The following SUFU variants were observed in gnomAD, a reference collection of about 807,000 sequenced individuals.
The protein encoded by SUFU is suppressor of fused homolog.
A neutral mutation model predicts 58.9 loss-of-function variants in SUFU; 7 were observed. The observed-to-expected ratio is 0.12, with a 90% confidence interval of 0.07 to 0.22. SUFU has a LOEUF of 0.22. SUFU is among the 10% of genes least tolerant of loss of function. The pLI, the probability that SUFU is intolerant of heterozygous loss-of-function variation, is 1.00. For synonymous variants in SUFU, 232 were observed against 254.8 expected (o/e 0.91, Z 0.85); for missense variants, 451 against 641.3 (o/e 0.70, Z 3.20).
chr10:102,580,717 A>C (rs1804347794), intron 3 of SUFU, among the ~76,000 whole-genome samples: 1 of 152,124 alleles, frequency 6.6e-6, no homozygotes, highest in Non-Finnish European at 1.5e-5. Flanking sequence ...CCCTCTGTAC[A>C]GTGCCTGGGG....
In SUFU at chr10:102,628,697, G is replaced by T. The variant is rs1180985164; in HGVS notation, c.1366-1369G>T. Among the ~76,000 whole-genome samples the T allele has an allele frequency of 6.6e-6, 1 of 152,050 alleles. No homozygotes were observed. Among genetic ancestry groups the T allele is most frequent in the Admixed American group, 6.6e-5 (1 of 15,266 alleles). ...GCTGTCCCTACACCCTGCCTCACTC[G>T]CCACTTTGGTCCTGGCAGAGACAGT... On this transcript the variant is annotated intron_variant, in intron 11 of 11. Coordinates refer to ENST00000369902, the MANE Select transcript of SUFU (RefSeq NM_016169.4). This position sits in a 1 kb window ranked among gnomAD's most constrained non-coding sequence, Gnocchi z 4.5.
intron 10 of SUFU, among the ~76,000 whole-genome samples, chr10:102,623,403 C>T (rs1323385695): frequency 6.6e-6 from 1 of 152,234 alleles, no homozygotes; most frequent in Non-Finnish European, 1.5e-5. Flanking sequence ...TTAGCAGTGT[C>T]TGTGACTCTC....
At position 102,593,589 on chromosome 10, in the gene SUFU, G is replaced by T. The variant is rs758953500; in HGVS notation, c.598-47G>T. The T allele has an allele frequency of 9.5e-6, 15 of 1,584,624 alleles. No individual in the cohort carries two copies. The South Asian group carries it at 1.2e-4, about 13-fold the overall frequency. On this transcript the variant is annotated intron_variant, in intron 4 of 11. Coordinates refer to ENST00000369902, the MANE Select transcript of SUFU (RefSeq NM_016169.4). The stretch of plus-strand genomic sequence containing the variant: ...CCTGGGTAGCTGACCTTCTTGGGGT[G>T]GGGGGTGGCCATTAACACACAATGG...
At chr10:102,581,180 CAAAAAAAAAAAAAAAAAAA>C (rs71016393) in intron 3 of SUFU, among the ~76,000 whole-genome samples, 2 of 75,660 alleles carry the variant, frequency 2.6e-5, no homozygotes, top group South Asian at 9.8e-4. Context: ...ACTCTGTCTC[CAAAAAAAAAAAAAAAAAAA>C]AAAAAAAAAA....
intron 2 of SUFU, among the ~76,000 whole-genome samples, chr10:102,542,276 G>C (rs1376613317): frequency 2.0e-5 from 3 of 151,390 alleles, no homozygotes; most frequent in Admixed American, 1.3e-4. Flanking sequence ...GGGATTACAG[G>C]TGCACGCCAC....
At chr10:102,551,098 T>G (rs1021428258) in intron 3 of SUFU, among the ~76,000 whole-genome samples, 3 of 152,180 alleles carry the variant, frequency 2.0e-5, no homozygotes, top group African/African-American at 7.2e-5. Flanking sequence ...ACAATAGACC[T>G]GTCTAGGTTG....
intron 2 of SUFU, among the ~76,000 whole-genome samples, chr10:102,542,371 T>G (rs2062811925): frequency 6.6e-6 from 1 of 151,822 alleles, no homozygotes; most frequent in Admixed American, 6.6e-5. Context: ...GACCTCATGA[T>G]CCGCCCACCT....
rs993241580 is a variant in SUFU, at chr10:102,612,274, C to A, written c.1023-2994C>A. On this transcript the variant is annotated intron_variant, in intron 8 of 11. Transcript: ENST00000369902. ...CATCGAAGCAGCATGCCGGAAATAC[C>A]CAAGCTCCAGGACTGCAAATCTTGC... 2.2e-4 allele frequency among the ~76,000 whole-genome samples: 34 copies of A among 151,360 alleles called. 1 individual carries two copies. The highest frequency in any genetic ancestry group is 6.6e-5 in the Admixed American group (1 of 15,204).
rs749166919 is a variant in SUFU at position 102,617,282 on chromosome 10, A to G, written c.1158-8A>G. The G allele has an allele frequency of 1.1e-5, 17 of 1,614,074 alleles. No individual in the cohort carries two copies. The highest frequency in any genetic ancestry group is 1.3e-5 in the Non-Finnish European group (15 of 1,180,042). On this transcript the variant is annotated splice_polypyrimidine_tract_variant and splice_region_variant and intron_variant, in intron 9 of 11. Coordinates refer to ENST00000369902, the MANE Select transcript of SUFU (RefSeq NM_016169.4). The surrounding 1 kb of genome is among the most constrained non-coding windows in gnomAD (Gnocchi z 4.4). ...AGCTCCTCACTGTCTCCATGTTCCCATCTCCAGGGGCAGGCTCCTGCATGG... is the reference window on the plus strand; with the variant it reads ...AGCTCCTCACTGTCTCCATGTTCCCGTCTCCAGGGGCAGGCTCCTGCATGG...
chr10:102,568,125 G>C (rs1009126243), intron 3 of SUFU, among the ~76,000 whole-genome samples: 7 of 150,856 alleles, frequency 4.6e-5, no homozygotes, highest in African/African-American at 1.5e-4. Context: ...TTACAAAAAG[G>C]ACATTAAAAA....
chr10:102,573,268 A>G, intron 3 of SUFU: 1 of 640,576 alleles, frequency 1.6e-6, no homozygotes, highest in East Asian at 2.8e-5. Context: ...AAAATCATCT[A>G]CTTTGGCCTC....
intron 2 of SUFU, among the ~76,000 whole-genome samples, chr10:102,545,293 A>ATT (rs1162195255): frequency 0.033 from 3,552 of 106,188 alleles, 129 homozygotes; most frequent in South Asian, 0.14. Context: ...TAATTTTTGT[A>ATT]TTTTTTTTTT....
intron 2 of SUFU, among the ~76,000 whole-genome samples, chr10:102,541,100 G>C (rs2062794006): frequency 6.6e-6 from 1 of 151,628 alleles, no homozygotes; most frequent in Admixed American, 6.6e-5. Context: ...AATACTGTTA[G>C]GTTCATTAAT....
intron 3 of SUFU, among the ~76,000 whole-genome samples, chr10:102,589,837 C>G (rs751281314): frequency 6.6e-6 from 1 of 152,098 alleles, no homozygotes; most frequent in Non-Finnish European, 1.5e-5. Flanking sequence ...GCACCTCTGT[C>G]GTGTTCCTGA....
chr10:102,550,505 C>G (rs905899317), intron 3 of SUFU, among the ~76,000 whole-genome samples: 3 of 152,094 alleles, frequency 2.0e-5, no homozygotes, highest in African/African-American at 7.2e-5. Flanking sequence ...GATACTTTTC[C>G]CAACCTTTTG....
intron 8 of SUFU, among the ~76,000 whole-genome samples, chr10:102,607,462 C>A (rs1455661201): frequency 6.6e-6 from 1 of 152,170 alleles, no homozygotes; most frequent in Non-Finnish European, 1.5e-5. Context: ...TAATATAATA[C>A]ATGGCTCAAC....
chr10:102,627,062 C>G, intron 10 of SUFU, 113 bp from the exon 11 acceptor site: 2 of 1,166,616 alleles, frequency 1.7e-6, no homozygotes, highest in Non-Finnish European at 2.6e-6. Flanking sequence ...TTGAACAGAT[C>G]ACAGTGAGCT....
At chr10:102,554,244 CAT>C (rs2062950503) in intron 3 of SUFU, among the ~76,000 whole-genome samples, 1 of 152,006 alleles carries the variant, frequency 6.6e-6, no homozygotes, top group Non-Finnish European at 1.5e-5. Context: ...CTCTACTAAA[CAT>C]AGAAAATTTA....
At chr10:102,598,737 T>G (rs1590067350) in intron 7 of SUFU, among the ~76,000 whole-genome samples, 1 of 152,348 alleles carries the variant, frequency 6.6e-6, no homozygotes, top group Non-Finnish European at 1.5e-5. Context: ...TTAATTTGCT[T>G]TTTTGTATCT....
Sources: gnomAD v4.1 joint callset for allele counts (sites outside exome capture counted in the v4.1 genomes callset) on GRCh38, gnomAD v4.1.1 for gene constraint, Gnocchi (gnomAD v3.1) non-coding constraint, MANE v1.5 for transcripts, NCBI Gene and HGNC (gene_info 2026-07-23, HGNC 2026-07-21) for gene names.